Variants in TCF20 observed in about 807,000 individuals in gnomAD.
TCF20 encodes the protein SPRE-binding protein.
Under a neutral mutation model 148.6 loss-of-function variants are expected in TCF20, and 3 were observed. The ratio of observed to expected loss-of-function variants is 0.02; its 90% CI spans 0.01 to 0.05. The LOEUF (loss-of-function observed/expected upper bound fraction) is 0.05, where lower values mean the gene tolerates loss of function less well. Among genes scored for constraint, TCF20 ranks in the 10% least tolerant of loss-of-function variants. TCF20 has a pLI of 1.00. For missense variants in TCF20, 2,350 were observed against 2,429.3 expected, an observed-to-expected ratio of 0.97 and a Z score of 0.69; for synonymous variants, 1,049 against 909.5, an observed-to-expected ratio of 1.15 and a Z score of -2.76.
Position 42,169,869 on chromosome 22 carries a change from G to A in TCF20, c.5777C>T (p.Ser1926Leu), listed in dbSNP as rs770391040. The change falls in exon 4 of 6, where the codon TCG (serine) becomes TTG (leucine). Residue 1926 changes from serine (S) to leucine (L), a missense_variant. Ser to Leu is a moderately radical substitution (Grantham distance 145, BLOSUM62 -2). Around this residue, in one of 7 missense-constraint regions of TCF20, gnomAD observed 67 missense variants for 60.8 expected, o/e 1.10. Transcript: ENST00000677622. ...ADCLLHEENF[S>L]VRCPKHKPPL... ...CACCTTGTGCTTAGGGCACCTCACC[G>A]AGAAGTTCTCCTCATGTAGCAAACA... The A allele has an allele frequency of 2.5e-6, 4 of 1,613,206 alleles. No homozygotes were observed. Among genetic ancestry groups the A allele is most frequent in the Admixed American group, 1.7e-5 (1 of 60,000 alleles).
intron 3 of TCF20, among the ~76,000 whole-genome samples, chr22:42,175,922 G>A (rs531050823): frequency 2.0e-5 from 3 of 152,018 alleles, no homozygotes; most frequent in East Asian, 3.9e-4. Flanking sequence ...GCCTCCCTGG[G>A]TAGCTGGGAC....
intron 1 of TCF20, among the ~76,000 whole-genome samples, chr22:42,225,658 T>C (rs1922824108): frequency 6.7e-6 from 1 of 149,932 alleles, no homozygotes; most frequent in Admixed American, 6.6e-5. Context: ...ACCCTTGAAC[T>C]ATCTCAACAG....
At chr22:42,282,804 C>T (rs1601691908) in intron 1 of TCF20, among the ~76,000 whole-genome samples, 1 of 152,158 alleles carries the variant, frequency 6.6e-6, no homozygotes, top group African/African-American at 2.4e-5. Context: ...GGGGCCGGCT[C>T]CTCCTGCCTC....
intron 1 of TCF20, among the ~76,000 whole-genome samples, chr22:42,222,423 T>C (rs1038201065): frequency 6.6e-6 from 1 of 152,176 alleles, no homozygotes; most frequent in African/African-American, 2.4e-5. Context: ...TGGGCTAGAA[T>C]AACACCTGAA....
At chr22:42,181,733 C>G (rs1222222925) in intron 2 of TCF20, among the ~76,000 whole-genome samples, 7 of 151,710 alleles carry the variant, frequency 4.6e-5, no homozygotes. Context: ...CTCAGCCTCC[C>G]GAGTAGCTGA....
chr22:42,171,383 G>A (rs542908981), intron 3 of TCF20, among the ~76,000 whole-genome samples: 1 of 152,338 alleles, frequency 6.6e-6, no homozygotes, highest in African/African-American at 2.4e-5. Flanking sequence ...AAGTGCAATA[G>A]TAATAAGCAA....
intron 1 of TCF20, among the ~76,000 whole-genome samples, chr22:42,341,079 G>A (rs1008420615): frequency 2.0e-5 from 3 of 152,172 alleles, no homozygotes; most frequent in Non-Finnish European, 2.9e-5. Context: ...CAGGAGCAGA[G>A]GCCGGAGGGA....
Position 42,209,761 on chromosome 22 carries a change from T to A in TCF20, c.5545A>T (p.Ser1849Cys). The part of the protein sequence containing the change: ...ELQIPELPLD[S>C]NEFWVHEGCI... The stretch of plus-strand genomic sequence containing the variant: ...CCCTCATGGACCCAAAATTCATTGC[T>A]GTCAAGAGGTAGTTCAGGGATTTGT... Residue 1849 changes from serine to cysteine, a missense_variant, in exon 2 of 6, where the codon AGC (serine) becomes TGC (cysteine). By Grantham distance (112) the Ser-to-Cys change is moderately radical. Transcript: ENST00000677622. The A allele has an allele frequency of 1.2e-6, 2 of 1,614,188 alleles. No homozygotes were observed. The highest frequency in any genetic ancestry group is 1.7e-6 in the Non-Finnish European group (2 of 1,180,032).
In TCF20 at chr22:42,210,960, G is replaced by A. The variant is rs1270397230; in HGVS notation, c.4346C>T (p.Thr1449Ile). 2 of 1,614,152 alleles carry A rather than the reference G, an allele frequency of 1.2e-6. No homozygotes were observed. The highest frequency in any genetic ancestry group is 3.3e-5 in the Admixed American group (2 of 60,012). Residue 1449 changes from threonine (T) to isoleucine (I), a missense_variant, in exon 2 of 6, where the codon ACA becomes ATA. Transcript: ENST00000677622. The surrounding 1 kb of genome is among the most constrained non-coding windows in gnomAD (Gnocchi z 4.7). ...TCCGGCAGTAACTGTTTCTGCATGT[G>A]TCTCTGTCTTCACTTTGTCATCCAC... ...GSVDDKVKTETHAETVTAGKE... is the reference protein window; with the variant it reads ...GSVDDKVKTEIHAETVTAGKE...
intron 2 of TCF20, among the ~76,000 whole-genome samples, chr22:42,197,738 A>C (rs1050625018): frequency 2.0e-5 from 3 of 152,264 alleles, no homozygotes; most frequent in Admixed American, 6.5e-5. Flanking sequence ...AGAAATAGGT[A>C]CAGAAAAACA....
chr22:42,291,341 C>G (rs1927129340), intron 1 of TCF20, among the ~76,000 whole-genome samples: 1 of 152,200 alleles, frequency 6.6e-6, no homozygotes, highest in African/African-American at 2.4e-5. Context: ...TTAGACAGGG[C>G]TTCCAGGAGG....
At chr22:42,283,872 C>G (rs563472560) in exon 1 of TCF20, among the ~76,000 whole-genome samples, 1 of 152,306 alleles carries the variant, frequency 6.6e-6, no homozygotes, top group African/African-American at 2.4e-5. Flanking sequence ...GACCCCTTGC[C>G]AGCCCGGCGA....
chr22:42,308,339 G>A (rs1010098649), intron 1 of TCF20, among the ~76,000 whole-genome samples: 4 of 152,114 alleles, frequency 2.6e-5, no homozygotes, highest in African/African-American at 9.7e-5. Flanking sequence ...TTCCTGGAGG[G>A]GGCCCACAAA....
At chr22:42,249,419 T>C (rs1925181878) in intron 1 of TCF20, among the ~76,000 whole-genome samples, 1 of 152,212 alleles carries the variant, frequency 6.6e-6, no homozygotes, top group Admixed American at 6.5e-5. Context: ...AGATTTGGTG[T>C]TGGGGAAGCT....
chr22:42,225,128 T>C (rs1008141691), intron 1 of TCF20, among the ~76,000 whole-genome samples: 1 of 151,626 alleles, frequency 6.6e-6, no homozygotes, highest in African/African-American at 2.4e-5. Flanking sequence ...CCCAAGTAGC[T>C]GAGATTACAG....
intron 1 of TCF20, among the ~76,000 whole-genome samples, chr22:42,329,950 G>A (rs749071144): frequency 6.6e-6 from 1 of 152,206 alleles, no homozygotes; most frequent in Non-Finnish European, 1.5e-5. Flanking sequence ...GGTAGGTCCT[G>A]GCCCAGAGTA....
At chr22:42,220,840 A>T (rs920266356) in intron 1 of TCF20, among the ~76,000 whole-genome samples, 1 of 152,182 alleles carries the variant, frequency 6.6e-6, no homozygotes, top group African/African-American at 2.4e-5. Context: ...GGCAACCTCA[A>T]CATATAGCCA....
At chr22:42,277,332 T>C (rs747474631) in intron 1 of TCF20, among the ~76,000 whole-genome samples, 1 of 152,238 alleles carries the variant, frequency 6.6e-6, no homozygotes, top group Non-Finnish European at 1.5e-5. Context: ...TATGGTGCCA[T>C]GGAGCTGTTA....
chr22:42,319,684 G>C (rs989576568), intron 1 of TCF20, among the ~76,000 whole-genome samples: 5 of 152,210 alleles, frequency 3.3e-5, no homozygotes, highest in African/African-American at 1.2e-4. Context: ...CCATTTCCCA[G>C]ATGGAGGAAC....
Sources: gnomAD v4.1 joint callset for allele counts (sites outside exome capture counted in the v4.1 genomes callset) on GRCh38, gnomAD v4.1.1 for gene constraint, gnomAD v4.1.1 regional missense constraint, Gnocchi (gnomAD v3.1) non-coding constraint, MANE v1.5 for transcripts, NCBI Gene and HGNC (gene_info 2026-07-23, HGNC 2026-07-21) for gene names.